Variants in MAML3 observed in about 807,000 individuals in gnomAD.
The protein encoded by MAML3 is mastermind like transcriptional coactivator 3, also known as mastermind-like protein 3.
A neutral mutation model predicts 101.9 loss-of-function variants in MAML3; 27 were observed. The observed-to-expected ratio is 0.27, with a 90% CI of 0.20 to 0.37. MAML3 has a LOEUF of 0.37. Ranked by LOEUF, MAML3 falls within the 10% of genes least tolerant of loss-of-function variation. The probability of loss-of-function intolerance (pLI) is 1.00; values close to 1 mark genes in which losing one functional copy is unlikely to be tolerated. For missense variants in MAML3, 1,316 were observed against 1,444.9 expected (o/e 0.91, Z 1.45); for synonymous variants, 501 against 555.9 (o/e 0.90, Z 1.39).
chr4:139,745,916 GAGA>G (rs1729305549), intron 2 of MAML3, among the ~76,000 whole-genome samples: 1 of 152,170 alleles, frequency 6.6e-6, no homozygotes, highest in African/African-American at 2.4e-5. Flanking sequence ...CAACAACTTG[GAGA>G]AGAAGAAACC....
At chr4:139,791,814 G>T (rs551864191) in intron 2 of MAML3, among the ~76,000 whole-genome samples, 2 of 152,246 alleles carry the variant, frequency 1.3e-5, no homozygotes, top group Admixed American at 6.5e-5. Flanking sequence ...CTAGCCAGTT[G>T]TTCTGTATCA....
At position 139,996,300 on chromosome 4, in the gene MAML3, T is replaced by C. The variant is rs139419238; in HGVS notation, c.469-105333A>G. 4.7e-3 allele frequency among the ~76,000 whole-genome samples: 720 copies of C among 152,278 alleles called. 3 individuals carry two copies. The highest frequency in any genetic ancestry group is 0.017 in the African/African-American group (689 of 41,564). ...AGTGTTGTTCAAGTGTTCTATAGCA[T>C]TGGTGATTAGAGAAAGCCCTGCTTT... On this transcript the variant is annotated intron_variant, in intron 1 of 4. Coordinates refer to ENST00000509479, the MANE Select transcript of MAML3 (RefSeq NM_018717.5).
intron 2 of MAML3, among the ~76,000 whole-genome samples, chr4:139,814,496 G>A (rs1256174697): frequency 6.6e-6 from 1 of 152,184 alleles, no homozygotes; most frequent in Non-Finnish European, 1.5e-5. Context: ...CATCCCGAGA[G>A]GGTTTCCTGT....
intron 1 of MAML3, among the ~76,000 whole-genome samples, chr4:139,953,057 A>C (rs187730991): frequency 6.6e-6 from 1 of 152,338 alleles, no homozygotes; most frequent in Admixed American, 6.5e-5. Context: ...AAGTGATGTC[A>C]GAGGGAAATT....
At chr4:140,106,095 CT>C (rs2111004496) in intron 1 of MAML3, among the ~76,000 whole-genome samples, 1 of 93,986 alleles carries the variant, frequency 1.1e-5, no homozygotes, top group South Asian at 3.8e-4. Flanking sequence ...CAGGAAATTT[CT>C]TGGTAAAACT....
intron 1 of MAML3, among the ~76,000 whole-genome samples, chr4:140,102,033 G>A (rs1728260728): frequency 1.3e-5 from 2 of 152,178 alleles, no homozygotes; most frequent in Admixed American, 6.5e-5. Context: ...CAGGCAAAAT[G>A]AAGTGGGAAA....
rs971393906 is a variant in MAML3, at chr4:139,725,673, G to A, written c.2416+78C>T. The A allele has an allele frequency of 1.4e-5, 19 of 1,362,462 alleles. No homozygotes were observed. The African/African-American group carries it at 2.6e-4, about 19-fold the overall frequency. 84.4% of individuals were successfully genotyped at this position (1,362,462 alleles called of 1,614,324 possible). On this transcript the variant is annotated intron_variant, in intron 4 of 4. Coordinates refer to ENST00000509479, the MANE Select transcript of MAML3 (RefSeq NM_018717.5). ...TCCTGGACACAAATACAGCCAGTAA[G>A]GCAATGCCTCTGGCTACACATTCAC... is the stretch of plus-strand genomic sequence containing the variant.
intron 1 of MAML3, among the ~76,000 whole-genome samples, chr4:140,135,989 A>G (rs1728876384): frequency 6.6e-6 from 1 of 152,196 alleles, no homozygotes; most frequent in Admixed American, 6.5e-5. Context: ...ATATTTATTC[A>G]AGGAACAAAA....
chr4:140,061,033 G>A lies in MAML3; in HGVS notation c.468+91827C>T, dbSNP rs187088036. Among the ~76,000 whole-genome samples the A allele has an allele frequency of 4.5e-4, 68 of 152,288 alleles. 1 individual carries two copies. Among genetic ancestry groups the A allele is most frequent in the African/African-American group, 1.6e-3 (66 of 41,554 alleles). On this transcript the variant is annotated intron_variant, in intron 1 of 4. Transcript: ENST00000509479. ...TACCATGAAGAAATATGATGGCTCAGGTTTTATACAGTCAGGAGTGACAAA... is the reference window on the plus strand; with the variant it reads ...TACCATGAAGAAATATGATGGCTCAAGTTTTATACAGTCAGGAGTGACAAA...
At chr4:139,859,795 C>G in intron 2 of MAML3, among the ~76,000 whole-genome samples, 1 of 152,210 alleles carries the variant, frequency 6.6e-6, no homozygotes, top group Admixed American at 6.5e-5. Flanking sequence ...AAGCTTGAAT[C>G]CTGCATTGTT....
chr4:139,955,083 T>A (rs1295113409), intron 1 of MAML3, among the ~76,000 whole-genome samples: 6 of 152,148 alleles, frequency 3.9e-5, no homozygotes, highest in Non-Finnish European at 8.8e-5. Context: ...CTAGTCTTTA[T>A]CTCTGAATAT....
rs115047084 is a variant in MAML3, at chr4:140,071,215, C to T, written c.468+81645G>A. ...AGACGACCCATGTGTGCACAGACTC[C>T]GCACACACTCTCTCTCTTTCTCTCC... is the stretch of plus-strand genomic sequence containing the variant. On this transcript the variant is annotated intron_variant, in intron 1 of 4. Coordinates refer to ENST00000509479, the MANE Select transcript of MAML3 (RefSeq NM_018717.5). Among the ~76,000 whole-genome samples the T allele has an allele frequency of 5.8e-3, 879 of 152,276 alleles. 9 individuals carry two copies. The highest frequency in any genetic ancestry group is 0.02 in the African/African-American group (829 of 41,544).
chr4:139,751,437 T>G (rs1729495745), intron 2 of MAML3, among the ~76,000 whole-genome samples: 2 of 152,182 alleles, frequency 1.3e-5, no homozygotes, highest in African/African-American at 4.8e-5. Context: ...GTGAAGGTAA[T>G]TACATACAAT....
intron 2 of MAML3, among the ~76,000 whole-genome samples, chr4:139,745,402 A>G (rs1285313894): frequency 2.6e-5 from 4 of 152,182 alleles, no homozygotes; most frequent in Non-Finnish European, 5.9e-5. Flanking sequence ...CTGGATCTGG[A>G]GAAAAGTGGG....
At chr4:139,865,171 T>C (rs1441125723) in intron 2 of MAML3, among the ~76,000 whole-genome samples, 1 of 152,198 alleles carries the variant, frequency 6.6e-6, no homozygotes, top group African/African-American at 2.4e-5. Flanking sequence ...ATCTTCTCTC[T>C]GTCTAGCTAA....
intron 2 of MAML3, among the ~76,000 whole-genome samples, chr4:139,861,492 T>TGTGC (rs1416422025): frequency 1.3e-5 from 2 of 151,824 alleles, no homozygotes; most frequent in African/African-American, 4.8e-5. Flanking sequence ...TGTGTGTGTG[T>TGTGC]GTGTGTGTGT....
intron 2 of MAML3, among the ~76,000 whole-genome samples, chr4:139,769,322 A>G (rs1729926966): frequency 6.6e-6 from 1 of 152,136 alleles, no homozygotes; most frequent in South Asian, 2.1e-4. Flanking sequence ...GAGTCAAAAC[A>G]CACTCTCCTG....
chr4:140,104,330 A>T (rs1270099363), intron 1 of MAML3, among the ~76,000 whole-genome samples: 2 of 120,430 alleles, frequency 1.7e-5, no homozygotes, highest in Non-Finnish European at 3.3e-5. Flanking sequence ...GGCTGCAGTG[A>T]GCCCTGTCTC....
At chr4:140,078,833 C>T (rs11723358) in intron 1 of MAML3, among the ~76,000 whole-genome samples, 79,928 of 151,932 alleles carry the variant, frequency 0.53, 22,328 homozygotes, top group Non-Finnish European at 0.64. Context: ...TCCCAGGGCC[C>T]ACCATGAGGG....
Sources: gnomAD v4.1 joint callset for allele counts (sites outside exome capture counted in the v4.1 genomes callset) on GRCh38, gnomAD v4.1.1 for gene constraint, MANE v1.5 for transcripts, NCBI Gene and HGNC (gene_info 2026-07-23, HGNC 2026-07-21) for gene names.